The following BPIFB4 variants were observed in gnomAD, a reference collection of about 807,000 sequenced individuals.
BPIFB4 encodes the protein BPI fold containing family B member 4.
Under a neutral mutation model 69.2 loss-of-function variants are expected in BPIFB4, and 62 were observed. The ratio of observed to expected loss-of-function variants is 0.90; its 90% CI spans 0.73 to 1.11. The LOEUF (loss-of-function observed/expected upper bound fraction) is 1.11. BPIFB4 is among the 50% of genes least tolerant of loss of function. The probability of loss-of-function intolerance (pLI) is 0.00; values close to 1 mark genes in which losing one functional copy is unlikely to be tolerated. For synonymous variants in BPIFB4, 330 were observed against 332.7 expected (o/e 0.99, Z 0.09); for missense variants, 789 against 792.0 (o/e 1.00, Z 0.04).
chr20:33,084,023 C>A, intron 5 of BPIFB4, 149 bp downstream of exon 5: 1 of 959,436 alleles, frequency 1.0e-6, no homozygotes, highest in Non-Finnish European at 1.5e-6. Flanking sequence ...TTTAAGACCC[C>A]CAAGTTACAT....
chr20:33,083,042 C>G, intron 4 of BPIFB4, 42 bp downstream of exon 4: 1 of 1,339,186 alleles, frequency 7.5e-7, no homozygotes. Flanking sequence ...CCTGGGCGGT[C>G]TGCTTGGTGG....
intron 2 of BPIFB4, among the ~76,000 whole-genome samples, chr20:33,080,999 G>T (rs142447913): frequency 1.3e-5 from 2 of 152,174 alleles, no homozygotes; most frequent in African/African-American, 4.8e-5. Flanking sequence ...GGCTTGCTGG[G>T]TGTTTCCATG....
intron 14 of BPIFB4, among the ~76,000 whole-genome samples, chr20:33,101,943 C>T (rs879755732): frequency 6.6e-5 from 10 of 152,164 alleles, no homozygotes; most frequent in Admixed American, 6.5e-4. Context: ...TAGCATGTGA[C>T]TAGATCATTG....
intron 7 of BPIFB4, among the ~76,000 whole-genome samples, chr20:33,087,100 CCAGGG>C (rs1981453312): frequency 6.6e-6 from 1 of 152,170 alleles, no homozygotes; most frequent in African/African-American, 2.4e-5. Flanking sequence ...AAATCAGCTC[CCAGGG>C]TCCAGGCAAG....
intron 10 of BPIFB4, 60 bp from the exon 11 acceptor site, chr20:33,092,398 T>C: frequency 1.3e-6 from 2 of 1,483,194 alleles, no homozygotes; most frequent in Admixed American, 3.8e-5. Context: ...ACTCCAGCCT[T>C]CAGTCCCCTT....
intron 7 of BPIFB4, among the ~76,000 whole-genome samples, chr20:33,088,337 T>C (rs566815992): frequency 3.0e-5 from 1 of 33,214 alleles, no homozygotes; most frequent in South Asian, 1.5e-3. Context: ...TGAGACTCTG[T>C]CTCAAAAAAA....
chr20:33,087,533 C>T (rs7274620), intron 7 of BPIFB4, among the ~76,000 whole-genome samples: 33,195 of 152,084 alleles, frequency 0.22, 3,822 homozygotes, highest in Admixed American at 0.29. Flanking sequence ...TCTCTTATTT[C>T]GCTGGTCCTC....
chr20:33,082,485 C>G (rs975889944), intron 3 of BPIFB4, among the ~76,000 whole-genome samples: 1 of 152,102 alleles, frequency 6.6e-6, no homozygotes, highest in African/African-American at 2.4e-5. Context: ...AGGTGCCCAC[C>G]ACCACACCTG....
At chr20:33,092,691 G>T in intron 11 of BPIFB4, 33 bp downstream of exon 11, 1 of 1,575,392 alleles carries the variant, frequency 6.3e-7, no homozygotes. Context: ...GGAGGTGGCT[G>T]GGCAGCAGAC....
chr20:33,100,860 G>A (rs1981889050), intron 14 of BPIFB4, among the ~76,000 whole-genome samples: 1 of 152,096 alleles, frequency 6.6e-6, no homozygotes, highest in South Asian at 2.1e-4. Flanking sequence ...TACAAAAATA[G>A]AAAAATTAGC....
At chr20:33,109,731 T>C (rs1353613350) in intron 17 of BPIFB4, among the ~76,000 whole-genome samples, 1 of 152,212 alleles carries the variant, frequency 6.6e-6, no homozygotes, top group African/African-American at 2.4e-5. Context: ...TTTTGAAATA[T>C]AGGTATACAC....
chr20:33,089,377 G>A (rs1981529280), intron 8 of BPIFB4, 121 bp from the exon 9 acceptor site: 1 of 1,481,890 alleles, frequency 6.7e-7, no homozygotes, highest in Non-Finnish European at 9.3e-7. Flanking sequence ...GTGGTGAGGA[G>A]AGTGCCTGGC....
intron 6 of BPIFB4, 96 bp downstream of exon 6, chr20:33,085,092 T>G (rs1395023340): frequency 6.6e-7 from 1 of 1,510,580 alleles, no homozygotes; most frequent in Non-Finnish European, 8.8e-7. Flanking sequence ...CTTCTGCCAG[T>G]GCATGCCCAC....
chr20:33,107,382 C>A (rs576478228), intron 16 of BPIFB4, among the ~76,000 whole-genome samples: 2 of 152,234 alleles, frequency 1.3e-5, no homozygotes, highest in East Asian at 3.9e-4. Context: ...CATCTGAGGT[C>A]AGGAGTTCAA....
intron 9 of BPIFB4, 120 bp from the exon 10 acceptor site, chr20:33,090,588 T>C: frequency 2.0e-6 from 3 of 1,489,978 alleles, no homozygotes; most frequent in Non-Finnish European, 2.7e-6. Context: ...TTTTGCTCTT[T>C]TCATGGTGTC....
At chr20:33,082,380 C>A (rs1487639738) in intron 3 of BPIFB4, among the ~76,000 whole-genome samples, 3 of 152,142 alleles carry the variant, frequency 2.0e-5, no homozygotes, top group Non-Finnish European at 4.4e-5. Flanking sequence ...GTTGCCCAGG[C>A]TGGAGTGCAA....
intron 14 of BPIFB4, among the ~76,000 whole-genome samples, 174 bp from the exon 15 acceptor site, chr20:33,102,798 C>T (rs901443889): frequency 7.2e-5 from 11 of 152,124 alleles, no homozygotes; most frequent in African/African-American, 2.7e-4. Context: ...GCATGGTGTC[C>T]GACGTGTAGT....
chr20:33,094,483 A>G (rs1981700299), intron 11 of BPIFB4, among the ~76,000 whole-genome samples: 1 of 150,626 alleles, frequency 6.6e-6, no homozygotes, highest in Non-Finnish European at 1.5e-5. Context: ...AAGGAATGAC[A>G]TTTGTTTCTT....
chr20:33,111,351 A>C, intron 17 of BPIFB4, 63 bp from the exon 18 acceptor site: 3 of 1,602,260 alleles, frequency 1.9e-6, no homozygotes, highest in Non-Finnish European at 2.6e-6. Context: ...TAGGCAGGTG[A>C]GTAGCAAGGC....
Sources: gnomAD v4.1 joint callset for allele counts (sites outside exome capture counted in the v4.1 genomes callset) on GRCh38, gnomAD v4.1.1 for gene constraint, MANE v1.5 for transcripts, NCBI Gene and HGNC (gene_info 2026-07-23, HGNC 2026-07-21) for gene names.